PXDNL: variants seen among roughly 807,000 people sequenced by gnomAD.
The protein encoded by PXDNL is probable oxidoreductase PXDNL.
A neutral mutation model predicts 150.8 loss-of-function variants in PXDNL; 145 were observed. That is an observed-to-expected ratio of 0.96 (90% CI 0.84 to 1.10). The LOEUF is 1.10. Among genes scored for constraint, PXDNL ranks in the 50% least tolerant of loss-of-function variants. PXDNL has a pLI of 0.00. For synonymous variants in PXDNL, 757 were observed against 725.7 expected (o/e 1.04, Z -0.69); for missense variants, 2,087 against 1,873.9 (o/e 1.11, Z -2.10).
intron 13 of PXDNL, among the ~76,000 whole-genome samples, chr8:51,425,899 C>T (rs1350865740): frequency 6.6e-6 from 1 of 151,900 alleles, no homozygotes; most frequent in East Asian, 1.9e-4. Context: ...TTCATAGAGA[C>T]TGGCATGTGA....
chr8:51,589,197 G>A (rs865975701), intron 3 of PXDNL, among the ~76,000 whole-genome samples: 10 of 152,242 alleles, frequency 6.6e-5, no homozygotes, highest in Middle Eastern at 3.4e-3. Flanking sequence ...ACCATGAGTC[G>A]AATAAACTTT....
intron 1 of PXDNL, among the ~76,000 whole-genome samples, chr8:51,678,630 C>T (rs1258443239): frequency 6.7e-6 from 1 of 150,232 alleles, no homozygotes; most frequent in African/African-American, 2.5e-5. Context: ...AAAAACCAAA[C>T]ACCGCATATT....
intron 1 of PXDNL, among the ~76,000 whole-genome samples, chr8:51,697,851 C>G (rs1816178527): frequency 6.6e-6 from 1 of 152,152 alleles, no homozygotes. Flanking sequence ...ATTGTGGGTT[C>G]CATTCCAGGC....
intron 4 of PXDNL, among the ~76,000 whole-genome samples, chr8:51,541,475 G>A (rs1812216288): frequency 6.8e-6 from 1 of 146,274 alleles, no homozygotes; most frequent in Admixed American, 6.7e-5. Context: ...GTAACACAAA[G>A]TATTCCCCAC....
chr8:51,453,908 C>CACATATATAT (rs1554541980), intron 9 of PXDNL, 123 bp from the exon 10 acceptor site: 5 of 783,320 alleles, frequency 6.4e-6, no homozygotes, highest in African/African-American at 5.4e-5. Flanking sequence ...AAATATTACA[C>CACATATATAT]ATATATATAT....
chr8:51,321,335 AG>A, intron 21 of PXDNL, among the ~76,000 whole-genome samples: 1 of 152,338 alleles, frequency 6.6e-6, no homozygotes, highest in Middle Eastern at 3.4e-3. Context: ...CAAGCAGACC[AG>A]GGTCTCTCCA....
intron 8 of PXDNL, among the ~76,000 whole-genome samples, chr8:51,464,132 G>C (rs2392902): frequency 1.3e-5 from 2 of 151,974 alleles, no homozygotes; most frequent in East Asian, 3.9e-4. Flanking sequence ...GGGAGGCTGA[G>C]GCAGGAGGAC....
At chr8:51,360,444 A>T (rs576268467) in intron 19 of PXDNL, among the ~76,000 whole-genome samples, 3 of 152,180 alleles carry the variant, frequency 2.0e-5, no homozygotes. Flanking sequence ...ATAGCTATAC[A>T]TGCCTATACA....
At chr8:51,517,871 G>C (rs1811578957) in intron 4 of PXDNL, among the ~76,000 whole-genome samples, 1 of 152,172 alleles carries the variant, frequency 6.6e-6, no homozygotes, top group Non-Finnish European at 1.5e-5. Context: ...TAAAGGCAAA[G>C]AGTTGTTTTT....
At chr8:51,642,299 T>C (rs1814781101) in intron 2 of PXDNL, among the ~76,000 whole-genome samples, 1 of 152,054 alleles carries the variant, frequency 6.6e-6, no homozygotes, top group Non-Finnish European at 1.5e-5. Context: ...TGGGCACATG[T>C]ATACATATGT....
intron 4 of PXDNL, among the ~76,000 whole-genome samples, chr8:51,533,289 C>G (rs1384453603): frequency 6.6e-6 from 1 of 151,994 alleles, no homozygotes; most frequent in Non-Finnish European, 1.5e-5. Flanking sequence ...TAGCTAGGAT[C>G]ACAGGCATGC....
intron 1 of PXDNL, among the ~76,000 whole-genome samples, chr8:51,690,807 T>A (rs1353989554): frequency 6.6e-6 from 1 of 151,946 alleles, no homozygotes; most frequent in Non-Finnish European, 1.5e-5. Flanking sequence ...GTGTTCCTAT[T>A]TCTCCACATC....
chr8:51,639,058 C>T (rs1186064844), intron 2 of PXDNL, among the ~76,000 whole-genome samples: 4 of 152,106 alleles, frequency 2.6e-5, no homozygotes, highest in East Asian at 1.9e-4. Context: ...CGCTCAAAAC[C>T]GCTCAACTAC....
chr8:51,774,041 G>A (rs2037326654), intron 1 of PXDNL, among the ~76,000 whole-genome samples: 1 of 152,198 alleles, frequency 6.6e-6, no homozygotes, highest in South Asian at 2.1e-4. Flanking sequence ...AATACTAATT[G>A]TAAGTGTAAT....
chr8:51,701,891 C>A (rs1816265713), intron 1 of PXDNL, among the ~76,000 whole-genome samples: 1 of 152,174 alleles, frequency 6.6e-6, no homozygotes, highest in Non-Finnish European at 1.5e-5. Flanking sequence ...CAGTGGTTCT[C>A]AGCTCAGACT....
intron 1 of PXDNL, among the ~76,000 whole-genome samples, chr8:51,668,600 G>A (rs1815438093): frequency 6.6e-6 from 1 of 152,176 alleles, no homozygotes; most frequent in Non-Finnish European, 1.5e-5. Flanking sequence ...CTGTACAAAT[G>A]TATATGACTG....
intron 4 of PXDNL, among the ~76,000 whole-genome samples, chr8:51,546,203 A>T (rs1162484160): frequency 3.9e-5 from 6 of 152,314 alleles, no homozygotes; most frequent in East Asian, 1.9e-4. Flanking sequence ...AGAGGGGGAA[A>T]ATTCAGCCTC....
intron 1 of PXDNL, among the ~76,000 whole-genome samples, chr8:51,659,825 G>A (rs1815228951): frequency 6.6e-6 from 1 of 151,710 alleles, no homozygotes; most frequent in East Asian, 1.9e-4. Context: ...AAAGAATACA[G>A]TTATCTATGA....
At chr8:51,762,822 C>T (rs940637068) in intron 1 of PXDNL, among the ~76,000 whole-genome samples, 2 of 152,130 alleles carry the variant, frequency 1.3e-5, no homozygotes, top group Non-Finnish European at 2.9e-5. Context: ...CACTTAAAAT[C>T]ATTTTACAGA....
Sources: gnomAD v4.1 joint callset for allele counts (sites outside exome capture counted in the v4.1 genomes callset) on GRCh38, gnomAD v4.1.1 for gene constraint, MANE v1.5 for transcripts, NCBI Gene and HGNC (gene_info 2026-07-23, HGNC 2026-07-21) for gene names.